Variants in IQCM observed in about 807,000 individuals in gnomAD.
The protein encoded by IQCM is IQ domain-containing protein M.
IQCM carries 45 observed loss-of-function variants against 57.6 expected under a neutral mutation model. That is an observed-to-expected ratio of 0.78 (90% CI 0.62 to 1.00). The LOEUF (loss-of-function observed/expected upper bound fraction) is 1.00. Among genes scored for constraint, IQCM ranks in the 50% least tolerant of loss-of-function variants. The pLI is 0.00. For synonymous variants in IQCM, 148 were observed against 158.9 expected, an observed-to-expected ratio of 0.93 and a Z score of 0.51; for missense variants, 468 against 511.6, an observed-to-expected ratio of 0.91 and a Z score of 0.82.
chr4:149,389,427 T>C (rs1210182999), intron 13 of IQCM, among the ~76,000 whole-genome samples: 3 of 151,914 alleles, frequency 2.0e-5, no homozygotes, highest in South Asian at 4.1e-4. Flanking sequence ...ATTGCGGCAT[T>C]ATTCACAATA....
chr4:149,772,920 T>TA (rs970749982), intron 2 of IQCM, among the ~76,000 whole-genome samples: 6 of 152,150 alleles, frequency 3.9e-5, no homozygotes, highest in South Asian at 2.1e-4. Context: ...TAAGATTTTT[T>TA]AAAAAACACT....
At chr4:149,711,068 T>C (rs974719828) in intron 5 of IQCM, 16 of 152,172 alleles carry the variant, frequency 1.1e-4, no homozygotes, top group Non-Finnish European at 5.9e-5. Flanking sequence ...ATTTATTATC[T>C]AAGAATAATG....
chr4:149,509,927 T>G (rs1744227013), intron 12 of IQCM, among the ~76,000 whole-genome samples: 1 of 152,176 alleles, frequency 6.6e-6, no homozygotes, highest in African/African-American at 2.4e-5. Context: ...CAATACTTTT[T>G]GTTGCTCAAA....
intron 13 of IQCM, among the ~76,000 whole-genome samples, chr4:149,395,918 C>T (rs984775173): frequency 4.0e-5 from 6 of 151,848 alleles, no homozygotes; most frequent in Admixed American, 6.6e-5. Flanking sequence ...TCCCAATTAG[C>T]GTTACTTCTG....
At chr4:149,805,151 G>T (rs769435035) in intron 2 of IQCM, among the ~76,000 whole-genome samples, 5 of 152,184 alleles carry the variant, frequency 3.3e-5, no homozygotes, top group Non-Finnish European at 5.9e-5. Flanking sequence ...ATGAATATGT[G>T]TAAGAAATTT....
intron 5 of IQCM, among the ~76,000 whole-genome samples, chr4:149,703,937 A>G (rs182981646): frequency 6.6e-6 from 1 of 151,962 alleles, no homozygotes; most frequent in East Asian, 1.9e-4. Flanking sequence ...TGCTCCGTAT[A>G]CTAAGAATTC....
intron 5 of IQCM, among the ~76,000 whole-genome samples, chr4:149,696,890 T>A (rs1763380521): frequency 6.6e-6 from 1 of 152,084 alleles, no homozygotes; most frequent in Non-Finnish European, 1.5e-5. Flanking sequence ...ATAGGGTCAA[T>A]CTCAAATTTA....
intron 12 of IQCM, among the ~76,000 whole-genome samples, chr4:149,485,670 G>T (rs1391851133): frequency 1.3e-5 from 2 of 152,002 alleles, no homozygotes; most frequent in Non-Finnish European, 2.9e-5. Context: ...TTCTCTGTCT[G>T]AAAGGTCATA....
chr4:149,727,759 G>A lies in IQCM; in HGVS notation c.385+5485C>T, dbSNP rs566723941. On this transcript the variant is annotated intron_variant, in intron 5 of 13. Coordinates refer to ENST00000636793, the MANE Select transcript of IQCM (RefSeq NM_001363507.2). ...GCCAGGAAGGAGTCCAGGAAGTATGGAACAAGGACCAGTAACCCTAGCAGT... is the reference window on the plus strand; with the variant it reads ...GCCAGGAAGGAGTCCAGGAAGTATGAAACAAGGACCAGTAACCCTAGCAGT... Among the ~76,000 whole-genome samples the A allele has an allele frequency of 7.2e-5, 11 of 152,230 alleles. No homozygotes were observed. The South Asian group carries it at 1.9e-3, about 26-fold the overall frequency.
Position 149,794,803 on chromosome 4 carries a change from T to C in IQCM, c.-49+20508A>G, listed in dbSNP as rs533418083. 8.5e-5 allele frequency among the ~76,000 whole-genome samples: 13 copies of C among 152,206 alleles called. 1 individual carries two copies. Among genetic ancestry groups the C allele is most frequent in the Middle Eastern group, 3.4e-3 (1 of 294 alleles). On this transcript the variant is annotated intron_variant, in intron 2 of 13. Transcript: ENST00000636793. ...AAATAGTAAATTTAAAAGATAGATATAGATATTTCAGCTTTTGTTCTTTGG... is the reference window on the plus strand; with the variant it reads ...AAATAGTAAATTTAAAAGATAGATACAGATATTTCAGCTTTTGTTCTTTGG...
At chr4:149,535,200 C>G (rs1747166022) in intron 12 of IQCM, among the ~76,000 whole-genome samples, 1 of 151,988 alleles carries the variant, frequency 6.6e-6, no homozygotes, top group Admixed American at 6.6e-5. Flanking sequence ...ATTTATAGGA[C>G]TCTGCATCAA....
At chr4:149,424,674 T>A (rs968783356) in intron 13 of IQCM, among the ~76,000 whole-genome samples, 2 of 151,876 alleles carry the variant, frequency 1.3e-5, no homozygotes, top group African/African-American at 4.8e-5. Flanking sequence ...ATTTTTCATA[T>A]TTTACTACAA....
rs140674384 is a variant in IQCM at position 149,683,848 on chromosome 4, G to T, written c.477-1642C>A. 9.5e-3 allele frequency among the ~76,000 whole-genome samples: 1,438 copies of T among 151,352 alleles called. 78 individuals are homozygous for T. Among genetic ancestry groups the T allele is most frequent in the Admixed American group, 0.084 (1,274 of 15,116 alleles). On this transcript the variant is annotated intron_variant, in intron 6 of 13. Coordinates refer to ENST00000636793, the MANE Select transcript of IQCM (RefSeq NM_001363507.2). The stretch of plus-strand genomic sequence containing the variant: ...GAAATGGCAGTTGCTTCACACAAAT[G>T]TGAAATGCCAGGAGGGATTCTATCA...
At chr4:149,689,821 T>C (rs1561160085) in intron 5 of IQCM, among the ~76,000 whole-genome samples, 3 of 151,974 alleles carry the variant, frequency 2.0e-5, no homozygotes, top group East Asian at 3.9e-4. Context: ...AACAAACATA[T>C]GAAAAAATGC....
chr4:149,781,466 CAACT>C (rs1771596709), intron 2 of IQCM, among the ~76,000 whole-genome samples: 1 of 152,114 alleles, frequency 6.6e-6, no homozygotes, highest in Non-Finnish European at 1.5e-5. Flanking sequence ...TTTATCAAAT[CAACT>C]GTCAAGGTAT....
intron 12 of IQCM, among the ~76,000 whole-genome samples, chr4:149,471,093 G>C (rs996908874): frequency 6.6e-6 from 1 of 152,090 alleles, no homozygotes; most frequent in Non-Finnish European, 1.5e-5. Flanking sequence ...TCAAAAGCTA[G>C]CAGAAGGTAA....
chr4:149,517,845 G>T (rs1253979719), intron 12 of IQCM, among the ~76,000 whole-genome samples: 1 of 152,182 alleles, frequency 6.6e-6, no homozygotes, highest in Non-Finnish European at 1.5e-5. Context: ...CAGACTCCAA[G>T]TTCTTCAGCT....
Position 149,740,191 on chromosome 4 carries a change from A to T in IQCM, c.37+2464T>A, listed in dbSNP as rs147718754. On this transcript the variant is annotated intron_variant, in intron 3 of 13. Transcript: ENST00000636793. ...AAATTTTAGTTAAAAGATAATCTTA[A>T]GCAAAGATGTGTGGCCACATGGCTA... Among the ~76,000 whole-genome samples, 410 of 152,318 alleles carry T rather than the reference A, an allele frequency of 2.7e-3. 4 individuals carry two copies. The highest frequency in any genetic ancestry group is 9.2e-3 in the African/African-American group (384 of 41,580).
intron 9 of IQCM, among the ~76,000 whole-genome samples, chr4:149,587,087 G>C (rs1752713631): frequency 1.3e-5 from 2 of 151,678 alleles, no homozygotes; most frequent in South Asian, 4.2e-4. Context: ...TCAACTTTTA[G>C]TCATTTTGGC....
Sources: allele counts gnomAD v4.1 joint callset (sites outside exome capture counted in the v4.1 genomes callset), GRCh38; gene constraint gnomAD v4.1.1; transcripts MANE v1.5; gene names NCBI Gene and HGNC (gene_info 2026-07-23, HGNC 2026-07-21).